The following KCTD16 variants were observed in gnomAD, a reference collection of about 807,000 sequenced individuals.
The protein encoded by KCTD16 is potassium channel tetramerization domain containing 16.
A neutral mutation model predicts 33.2 loss-of-function variants in KCTD16; 13 were observed. The observed-to-expected ratio is 0.39, with a 90% CI of 0.25 to 0.62. The LOEUF is 0.62. Among genes scored for constraint, KCTD16 ranks in the 20% least tolerant of loss-of-function variants. The pLI, the probability that KCTD16 is intolerant of heterozygous loss-of-function variation, is 0.50. For synonymous variants in KCTD16, 197 were observed against 195.3 expected (o/e 1.01, Z -0.07); for missense variants, 441 against 525.1 (o/e 0.84, Z 1.57).
At chr5:144,371,527 C>T (rs1322244802) in intron 3 of KCTD16, among the ~76,000 whole-genome samples, 1 of 152,102 alleles carries the variant, frequency 6.6e-6, no homozygotes, top group Non-Finnish European at 1.5e-5. Flanking sequence ...CACATTCCCA[C>T]CAGGGAGGAC....
At chr5:144,243,330 C>T (rs1754454716) in intron 3 of KCTD16, among the ~76,000 whole-genome samples, 2 of 152,168 alleles carry the variant, frequency 1.3e-5, no homozygotes, top group Admixed American at 6.5e-5. Context: ...GAAGAAGTCA[C>T]TATGTGCAGT....
At chr5:144,312,677 G>A (rs1435292340) in intron 3 of KCTD16, among the ~76,000 whole-genome samples, 2 of 152,182 alleles carry the variant, frequency 1.3e-5, no homozygotes, top group Non-Finnish European at 2.9e-5. Context: ...TTCTTCAAAT[G>A]AGAAGGTGTC....
intron 2 of KCTD16, among the ~76,000 whole-genome samples, chr5:144,191,889 A>T (rs1315619670): frequency 2.0e-5 from 3 of 151,284 alleles, no homozygotes; most frequent in Non-Finnish European, 4.4e-5. Context: ...AATATAAAGT[A>T]TTTTTCTTAT....
chr5:144,171,689 T>A (rs1438190325), intron 1 of KCTD16, among the ~76,000 whole-genome samples: 1 of 152,176 alleles, frequency 6.6e-6, no homozygotes, highest in Non-Finnish European at 1.5e-5. Context: ...TCAACCACTC[T>A]TCTAAGTGGA....
At chr5:144,379,201 G>A (rs536224166) in intron 3 of KCTD16, among the ~76,000 whole-genome samples, 26 of 152,206 alleles carry the variant, frequency 1.7e-4, no homozygotes, top group Admixed American at 1.5e-3. Context: ...CCATTTTTAT[G>A]CCTGCTCTTT....
rs76403216 is a variant in KCTD16, at chr5:144,438,193, C to G, written c.833-35467C>G. Among the ~76,000 whole-genome samples, 554 of 152,284 alleles carry G rather than the reference C, an allele frequency of 3.6e-3. 4 individuals are homozygous for G. The highest frequency in any genetic ancestry group is 0.013 in the African/African-American group (532 of 41,554). On this transcript the variant is annotated intron_variant, in intron 3 of 3. Transcript: ENST00000512467. Reference sequence around the variant, plus strand: ...CACATTATATTTCTATTAGCCAGCACTAGAGCATTTGTATGAGTAAGTCTG... The same window carrying G: ...CACATTATATTTCTATTAGCCAGCAGTAGAGCATTTGTATGAGTAAGTCTG...
At chr5:144,277,852 T>C (rs1223693424) in intron 3 of KCTD16, among the ~76,000 whole-genome samples, 1 of 152,222 alleles carries the variant, frequency 6.6e-6, no homozygotes, top group Non-Finnish European at 1.5e-5. Flanking sequence ...TAAAAACTTT[T>C]ATCTAGTTTT....
chr5:144,348,518 C>T (rs193174886), intron 3 of KCTD16, among the ~76,000 whole-genome samples: 4 of 152,270 alleles, frequency 2.6e-5, no homozygotes, highest in East Asian at 1.9e-4. Flanking sequence ...GCCTATTGAG[C>T]GGGTCAGTAG....
At position 144,207,504 on chromosome 5, in the gene KCTD16, G is replaced by A. The variant is rs371601238; in HGVS notation, c.790G>A (p.Asp264Asn). The change falls in exon 3 of 4, where the codon GAT becomes AAT. Residue 264 changes from aspartate to asparagine, a missense_variant. By Grantham distance (23) the Asp-to-Asn change is conservative. This residue lies in a region of KCTD16 where 355 missense variants were observed against 413.0 expected (regional missense o/e 0.86). Coordinates refer to ENST00000512467, the MANE Select transcript of KCTD16 (RefSeq NM_020768.4). Reference protein sequence around the residue: ...VTASFINQYTDDKIWSSYTEY... With the variant: ...VTASFINQYTNDKIWSSYTEY... ...AGCATCTTTCATCAACCAATATACA[G>A]ATGACAAGATCTGGTCAAGCTACAC... 5 of 1,613,934 alleles carry A rather than the reference G, an allele frequency of 3.1e-6. No individual in the cohort carries two copies. In the African/African-American group the frequency reaches 4.0e-5, roughly 13 times the overall value.
chr5:144,397,809 T>A (rs1335215696), intron 3 of KCTD16, among the ~76,000 whole-genome samples: 1 of 152,156 alleles, frequency 6.6e-6, no homozygotes, highest in Non-Finnish European at 1.5e-5. Flanking sequence ...TGAATTCACT[T>A]TAAGGAAGCA....
intron 3 of KCTD16, among the ~76,000 whole-genome samples, chr5:144,278,722 CTCCTGACCT>C (rs1282079366): frequency 6.6e-6 from 1 of 151,852 alleles, no homozygotes; most frequent in African/African-American, 2.4e-5. Context: ...TGGTCTCGAT[CTCCTGACCT>C]CATGATCCAC....
chr5:144,205,846 G>A (rs1753154178), intron 2 of KCTD16: 2 of 331,670 alleles, frequency 6.0e-6, no homozygotes, highest in Non-Finnish European at 1.1e-5. Flanking sequence ...ATACAAATAG[G>A]CATTTATATA....
At chr5:144,370,275 A>G (rs1201243086) in intron 3 of KCTD16, among the ~76,000 whole-genome samples, 2 of 152,186 alleles carry the variant, frequency 1.3e-5, no homozygotes, top group Non-Finnish European at 2.9e-5. Flanking sequence ...CTCCTGACAG[A>G]GAAACTTGCG....
At chr5:144,218,756 C>T (rs1753640313) in intron 3 of KCTD16, among the ~76,000 whole-genome samples, 1 of 152,150 alleles carries the variant, frequency 6.6e-6, no homozygotes, top group African/African-American at 2.4e-5. Flanking sequence ...ATTTACCTTG[C>T]TAATCTCATG....
intron 3 of KCTD16, among the ~76,000 whole-genome samples, chr5:144,461,396 C>T (rs1208939658): frequency 6.6e-6 from 1 of 152,162 alleles, no homozygotes; most frequent in Admixed American, 6.5e-5. Flanking sequence ...ACCGTGTACC[C>T]ACCAGCTGCC....
At chr5:144,437,045 G>C (rs1009410887) in intron 3 of KCTD16, among the ~76,000 whole-genome samples, 2 of 152,162 alleles carry the variant, frequency 1.3e-5, no homozygotes. Context: ...AGGACATCAG[G>C]ACTTCACAGA....
intron 3 of KCTD16, among the ~76,000 whole-genome samples, chr5:144,334,132 CTG>C (rs1752422764): frequency 6.6e-6 from 1 of 152,168 alleles, no homozygotes; most frequent in African/African-American, 2.4e-5. Flanking sequence ...ACAACAGACT[CTG>C]TGTTCTTTGA....
At chr5:144,430,980 T>G (rs577628259) in intron 3 of KCTD16, among the ~76,000 whole-genome samples, 1 of 152,144 alleles carries the variant, frequency 6.6e-6, no homozygotes, top group Non-Finnish European at 1.5e-5. Flanking sequence ...ATTCCATATT[T>G]TGCATACAGT....
At chr5:144,459,668 A>G (rs1440200349) in intron 3 of KCTD16, among the ~76,000 whole-genome samples, 1 of 151,622 alleles carries the variant, frequency 6.6e-6, no homozygotes, top group African/African-American at 2.4e-5. Flanking sequence ...CATTCTCTAG[A>G]TAGCAGCCAG....
Sources: allele counts gnomAD v4.1 joint callset (sites outside exome capture counted in the v4.1 genomes callset), GRCh38; gene constraint gnomAD v4.1.1; regional missense constraint gnomAD v4.1.1; transcripts MANE v1.5; gene names NCBI Gene and HGNC (gene_info 2026-07-23, HGNC 2026-07-21).